Variants in SORCS3 observed in about 807,000 individuals in gnomAD.
The protein encoded by SORCS3 is VPS10 domain-containing receptor SorCS3.
Under a neutral mutation model 146.3 loss-of-function variants are expected in SORCS3, and 57 were observed. The ratio of observed to expected loss-of-function variants is 0.39; its 90% confidence interval spans 0.31 to 0.49. The LOEUF is 0.49. Ranked by LOEUF, SORCS3 falls within the 20% of genes least tolerant of loss-of-function variation. The pLI, the probability that SORCS3 is intolerant of heterozygous loss-of-function variation, is 0.92. For missense variants in SORCS3, 1,341 were observed against 1,575.5 expected (o/e 0.85, Z 2.52); for synonymous variants, 653 against 618.5 (o/e 1.06, Z -0.83).
intron 5 of SORCS3, among the ~76,000 whole-genome samples, chr10:105,056,224 G>A (rs1460914179): frequency 3.3e-5 from 5 of 152,164 alleles, no homozygotes; most frequent in Admixed American, 1.3e-4. Flanking sequence ...CGCTAGAATA[G>A]CGTTTCTCAA....
intron 1 of SORCS3, among the ~76,000 whole-genome samples, chr10:104,819,318 A>C (rs2017844973): frequency 6.6e-6 from 1 of 152,136 alleles, no homozygotes; most frequent in Non-Finnish European, 1.5e-5. Context: ...GGGGTCTGTG[A>C]GTCACACTTT....
At chr10:105,192,729 C>T (rs764087175) in intron 14 of SORCS3, among the ~76,000 whole-genome samples, 5 of 152,130 alleles carry the variant, frequency 3.3e-5, no homozygotes, top group Admixed American at 6.6e-5. Context: ...TCCTTTTCGA[C>T]GTTTTTTAGT....
intron 1 of SORCS3, among the ~76,000 whole-genome samples, chr10:104,794,497 A>C (rs1246039898): frequency 6.6e-6 from 1 of 152,056 alleles, no homozygotes; most frequent in Non-Finnish European, 1.5e-5. Context: ...CAGAGGAAGA[A>C]GAGCTACAGT....
At chr10:104,945,686 GTTTAC>G (rs2019363506) in intron 3 of SORCS3, among the ~76,000 whole-genome samples, 1 of 151,300 alleles carries the variant, frequency 6.6e-6, no homozygotes, top group African/African-American at 2.4e-5. Context: ...TTAATGCAAG[GTTTAC>G]TTTAAACTAT....
intron 7 of SORCS3, among the ~76,000 whole-genome samples, chr10:105,113,859 G>C (rs1244733947): frequency 1.3e-5 from 2 of 152,118 alleles, no homozygotes; most frequent in African/African-American, 2.4e-5. Flanking sequence ...TTTTAATAGG[G>C]AAGAGTCTGC....
intron 20 of SORCS3, among the ~76,000 whole-genome samples, chr10:105,234,602 T>C (rs1014050526): frequency 2.0e-5 from 3 of 151,956 alleles, no homozygotes; most frequent in Non-Finnish European, 4.4e-5. Flanking sequence ...GCATTTTCTG[T>C]TGAGATGTTC....
chr10:105,023,129 C>T (rs979628221), intron 4 of SORCS3, among the ~76,000 whole-genome samples: 14 of 152,172 alleles, frequency 9.2e-5, no homozygotes, highest in Non-Finnish European at 1.8e-4. Flanking sequence ...GCTGTTCCCA[C>T]AAACTCTTCT....
At chr10:104,756,095 G>T (rs1381400923) in intron 1 of SORCS3, among the ~76,000 whole-genome samples, 3 of 152,116 alleles carry the variant, frequency 2.0e-5, no homozygotes, top group Non-Finnish European at 4.4e-5. Context: ...TTATTATGTG[G>T]CTCCTCATCC....
At chr10:104,965,299 T>C (rs1333137367) in intron 3 of SORCS3, among the ~76,000 whole-genome samples, 2 of 152,194 alleles carry the variant, frequency 1.3e-5, no homozygotes, top group African/African-American at 4.8e-5. Flanking sequence ...GTCTGCCTGC[T>C]TCACTCCACT....
chr10:105,162,606 T>C (rs1323843371), intron 11 of SORCS3, among the ~76,000 whole-genome samples: 2 of 152,230 alleles, frequency 1.3e-5, no homozygotes, highest in East Asian at 3.9e-4. Context: ...CGTAACATTT[T>C]CTTTCAGAGG....
At chr10:105,088,786 C>A (rs1458117452) in intron 5 of SORCS3, among the ~76,000 whole-genome samples, 3 of 152,232 alleles carry the variant, frequency 2.0e-5, no homozygotes, top group Admixed American at 6.5e-5. Context: ...TTTTCCATTT[C>A]TCTTGCTATC....
At chr10:105,140,804 A>G (rs563535532) in intron 8 of SORCS3, among the ~76,000 whole-genome samples, 1 of 152,228 alleles carries the variant, frequency 6.6e-6, no homozygotes, top group South Asian at 2.1e-4. Context: ...ATGGGAACCA[A>G]TTTCTCATTT....
chr10:105,107,261 C>T (rs1468156805), intron 7 of SORCS3, among the ~76,000 whole-genome samples: 2 of 151,172 alleles, frequency 1.3e-5, no homozygotes, highest in African/African-American at 4.9e-5. Flanking sequence ...TCCTTTTATT[C>T]CATTCTCATT....
At chr10:105,050,445 G>A (rs906924033) in intron 5 of SORCS3, among the ~76,000 whole-genome samples, 4 of 152,076 alleles carry the variant, frequency 2.6e-5, no homozygotes, top group African/African-American at 9.7e-5. Context: ...GGAATGGAGG[G>A]AGATCTCCAG....
At chr10:105,152,614 C>G (rs527665802) in intron 9 of SORCS3, among the ~76,000 whole-genome samples, 15 of 152,198 alleles carry the variant, frequency 9.9e-5, no homozygotes, top group African/African-American at 3.6e-4. Context: ...TAAAAGTTTG[C>G]CAATAACTGA....
intron 20 of SORCS3, among the ~76,000 whole-genome samples, chr10:105,225,377 A>T (rs118053942): frequency 6.6e-6 from 1 of 152,044 alleles, no homozygotes; most frequent in Non-Finnish European, 1.5e-5. Context: ...CCTTTGCCAA[A>T]AATAAGTTGA....
chr10:105,048,515 T>C (rs1356507838), intron 5 of SORCS3, among the ~76,000 whole-genome samples: 1 of 127,428 alleles, frequency 7.8e-6, no homozygotes, highest in African/African-American at 3.1e-5. Flanking sequence ...AAGGGGAACA[T>C]CACACACTGG....
intron 7 of SORCS3, among the ~76,000 whole-genome samples, chr10:105,114,219 G>T (rs921428648): frequency 3.3e-5 from 5 of 152,030 alleles, no homozygotes; most frequent in Admixed American, 1.3e-4. Context: ...TGGCACAGAG[G>T]GTGGCCTTCA....
intron 3 of SORCS3, among the ~76,000 whole-genome samples, chr10:104,957,055 A>G (rs939169964): frequency 2.0e-5 from 3 of 152,170 alleles, no homozygotes; most frequent in African/African-American, 4.8e-5. Flanking sequence ...TGCTGGGTGC[A>G]TGGACATTCA....
Sources: allele counts gnomAD v4.1 joint callset (sites outside exome capture counted in the v4.1 genomes callset), GRCh38; gene constraint gnomAD v4.1.1; transcripts MANE v1.5; gene names NCBI Gene and HGNC (gene_info 2026-07-23, HGNC 2026-07-21).